NUBPL: variants seen among roughly 807,000 people sequenced by gnomAD.
NUBPL encodes NUBP iron-sulfur cluster assembly factor, mitochondrial, also known as iron-sulfur cluster transfer protein NUBPL.
NUBPL carries 31 observed loss-of-function variants against 45.7 expected under a neutral mutation model. The ratio of observed to expected loss-of-function variants is 0.68; its 90% CI spans 0.51 to 0.92. The LOEUF is 0.92. Ranked by LOEUF, NUBPL falls within the 40% of genes least tolerant of loss-of-function variation. The probability of loss-of-function intolerance (pLI) is 0.00; values close to 1 mark genes in which losing one functional copy is unlikely to be tolerated. For missense variants in NUBPL, 401 were observed against 398.7 expected, an observed-to-expected ratio of 1.01 and a Z score of -0.05; for synonymous variants, 144 against 140.9, an observed-to-expected ratio of 1.02 and a Z score of -0.15.
At chr14:31,851,759 A>G (rs6571473) in intron 10 of NUBPL, among the ~76,000 whole-genome samples, 39,862 of 151,852 alleles carry the variant, frequency 0.26, 7,913 homozygotes, top group African/African-American at 0.57. Context: ...TTTTTGCTTT[A>G]ATTACACACT....
At chr14:31,731,230 G>A (rs747635292) in intron 6 of NUBPL, among the ~76,000 whole-genome samples, 1 of 152,194 alleles carries the variant, frequency 6.6e-6, no homozygotes, top group Non-Finnish European at 1.5e-5. Context: ...TGAACTGGGA[G>A]ATAGGTCAGA....
intron 6 of NUBPL, among the ~76,000 whole-genome samples, chr14:31,727,696 T>A (rs1462768907): frequency 6.6e-6 from 1 of 152,210 alleles, no homozygotes; most frequent in Non-Finnish European, 1.5e-5. Context: ...TTGTACGTCT[T>A]GACTCCCCTT....
intron 6 of NUBPL, among the ~76,000 whole-genome samples, chr14:31,755,050 A>G (rs925862224): frequency 6.6e-6 from 1 of 151,966 alleles, no homozygotes; most frequent in Non-Finnish European, 1.5e-5. Flanking sequence ...ATGGCTGCAT[A>G]GTATTCCATG....
chr14:31,614,800 A>G (rs1401789308), intron 4 of NUBPL, among the ~76,000 whole-genome samples: 1 of 152,228 alleles, frequency 6.6e-6, no homozygotes, highest in Non-Finnish European at 1.5e-5. Flanking sequence ...CAGTAGACAT[A>G]CTAGCCATTG....
At position 31,690,780 on chromosome 14, in the gene NUBPL, CACCTCAGAGA is replaced by C. The variant is rs2037075655; in HGVS notation, c.513+17208_513+17217del. Among the ~76,000 whole-genome samples, 3 of 152,224 alleles carry C rather than the reference CACCTCAGAGA, an allele frequency of 2.0e-5. No individual in the cohort carries two copies. In the South Asian group the frequency reaches 6.2e-4, roughly 32 times the overall value. On this transcript the variant is annotated intron_variant, in intron 6 of 10. Transcript: ENST00000281081. The stretch of plus-strand genomic sequence containing the variant: ...TGAGGGATGAAGGGTTTCAGATATG[CACCTCAGAGA>C]AATTCAAGACCTTGTAGACGCCACA...
At chr14:31,827,133 C>T (rs1305586209) in intron 8 of NUBPL, among the ~76,000 whole-genome samples, 2 of 152,046 alleles carry the variant, frequency 1.3e-5, no homozygotes, top group Non-Finnish European at 2.9e-5. Context: ...CTAGGAGACA[C>T]TTCAGGATTT....
chr14:31,693,719 A>T (rs1448209421), intron 6 of NUBPL, among the ~76,000 whole-genome samples: 2 of 151,660 alleles, frequency 1.3e-5, no homozygotes, highest in African/African-American at 4.8e-5. Flanking sequence ...AAATGCTTTA[A>T]ACATTAAGGA....
intron 4 of NUBPL, among the ~76,000 whole-genome samples, chr14:31,641,346 C>A (rs941026243): frequency 1.3e-5 from 2 of 152,138 alleles, no homozygotes; most frequent in African/African-American, 4.8e-5. Context: ...CCTTCTTGGC[C>A]TCTGGTAACC....
chr14:31,642,651 G>A (rs1233366183), intron 4 of NUBPL, among the ~76,000 whole-genome samples: 2 of 152,030 alleles, frequency 1.3e-5, no homozygotes, highest in African/African-American at 4.8e-5. Context: ...TGTGCTCAGG[G>A]TTGTTTTGGC....
intron 7 of NUBPL, among the ~76,000 whole-genome samples, chr14:31,809,210 A>T (rs1380566389): frequency 6.6e-6 from 1 of 152,148 alleles, no homozygotes; most frequent in Admixed American, 6.5e-5. Context: ...TCCTCTTTGT[A>T]CTTCTGATAG....
At chr14:31,774,879 C>T (rs1185841760) in intron 6 of NUBPL, among the ~76,000 whole-genome samples, 2 of 152,178 alleles carry the variant, frequency 1.3e-5, no homozygotes, top group Non-Finnish European at 2.9e-5. Flanking sequence ...CTAATCACAA[C>T]ATTGATTCCC....
At chr14:31,723,429 T>A (rs967270478) in intron 6 of NUBPL, among the ~76,000 whole-genome samples, 4 of 152,226 alleles carry the variant, frequency 2.6e-5, no homozygotes, top group Non-Finnish European at 5.9e-5. Context: ...ATTCAGGTTC[T>A]TGTTTGGTTC....
chr14:31,845,373 C>T (rs1174892698), intron 8 of NUBPL: 1 of 152,146 alleles, frequency 6.6e-6, no homozygotes, highest in Non-Finnish European at 1.5e-5. Flanking sequence ...GATAAAATAA[C>T]CATCTCGGCT....
chr14:31,751,235 G>A (rs926833724), intron 6 of NUBPL, among the ~76,000 whole-genome samples: 14 of 152,190 alleles, frequency 9.2e-5, no homozygotes, highest in African/African-American at 2.4e-4. Flanking sequence ...ATGCAGTCAT[G>A]CACTCCCAAC....
At chr14:31,699,010 A>G (rs549940423) in intron 6 of NUBPL, among the ~76,000 whole-genome samples, 43 of 152,192 alleles carry the variant, frequency 2.8e-4, no homozygotes, top group African/African-American at 9.6e-4. Flanking sequence ...ATGCACCACC[A>G]TGCCTGGCTA....
intron 6 of NUBPL, among the ~76,000 whole-genome samples, chr14:31,748,909 AC>A (rs2038460840): frequency 6.6e-6 from 1 of 151,320 alleles, no homozygotes; most frequent in South Asian, 2.1e-4. Flanking sequence ...ACTGCGCCCC[AC>A]CCCTGCTTTG....
At chr14:31,706,739 C>T (rs2139911308) in intron 6 of NUBPL, among the ~76,000 whole-genome samples, 1 of 152,340 alleles carries the variant, frequency 6.6e-6, no homozygotes, top group East Asian at 1.9e-4. Context: ...GGATAGATTT[C>T]ATCACTTCCT....
intron 4 of NUBPL, among the ~76,000 whole-genome samples, chr14:31,599,833 A>G (rs2034380070): frequency 6.6e-6 from 1 of 152,100 alleles, no homozygotes. Flanking sequence ...GCAATTCAAG[A>G]GTAACCAATA....
At chr14:31,744,267 T>C (rs73255158) in intron 6 of NUBPL, among the ~76,000 whole-genome samples, 2,151 of 152,352 alleles carry the variant, frequency 0.014, 31 homozygotes, top group African/African-American at 0.038. Context: ...TTAATAGATA[T>C]ATCATGGATT....
Sources: allele counts gnomAD v4.1 joint callset (sites outside exome capture counted in the v4.1 genomes callset), GRCh38; gene constraint gnomAD v4.1.1; transcripts MANE v1.5; gene names NCBI Gene and HGNC (gene_info 2026-07-23, HGNC 2026-07-21).